The following NUP133 variants were observed in gnomAD, a reference collection of about 807,000 sequenced individuals.
The protein encoded by NUP133 is nuclear pore complex protein Nup133.
In NUP133, 66 loss-of-function variants were observed where a neutral mutation model predicts 146.2. That is an observed-to-expected ratio of 0.45 (90% confidence interval 0.37 to 0.55). The LOEUF is 0.55. Ranked by LOEUF, NUP133 falls within the 20% of genes least tolerant of loss-of-function variation. The pLI, the probability that NUP133 is intolerant of heterozygous loss-of-function variation, is 0.00. For missense variants in NUP133, 1,277 were observed against 1,374.8 expected, an observed-to-expected ratio of 0.93 and a Z score of 1.12; for synonymous variants, 521 against 498.8, an observed-to-expected ratio of 1.04 and a Z score of -0.59.
intron 14 of NUP133, among the ~76,000 whole-genome samples, chr1:229,475,139 C>A (rs1661046341): frequency 6.6e-6 from 1 of 151,790 alleles, no homozygotes; most frequent in Non-Finnish European, 1.5e-5. Flanking sequence ...ACAAACAAAA[C>A]CCCAAGCAGG....
At chr1:229,468,816 T>C (rs1461174021) in intron 15 of NUP133, among the ~76,000 whole-genome samples, 3 of 152,204 alleles carry the variant, frequency 2.0e-5, no homozygotes, top group African/African-American at 7.2e-5. Context: ...ATTTGTTAGA[T>C]CATGAAACTT....
At chr1:229,450,421 GTC>G in intron 23 of NUP133, 102 bp downstream of exon 23, 1 of 572,728 alleles carries the variant, frequency 1.7e-6, no homozygotes, top group East Asian at 3.0e-5. Flanking sequence ...CACAGATACA[GTC>G]TTTTTTGCTT....
intron 21 of NUP133, among the ~76,000 whole-genome samples, chr1:229,456,138 G>A (rs1361159859): frequency 1.3e-5 from 2 of 152,194 alleles, no homozygotes; most frequent in Non-Finnish European, 2.9e-5. Flanking sequence ...GCAAGAACAG[G>A]ACACACGTGA....
intron 3 of NUP133, among the ~76,000 whole-genome samples, chr1:229,501,745 T>C (rs1661805596): frequency 1.3e-5 from 2 of 152,364 alleles, no homozygotes; most frequent in South Asian, 2.1e-4. Flanking sequence ...AGCATTATAT[T>C]CATTGGAAAT....
chr1:229,467,662 G>A (rs747988674), intron 15 of NUP133, among the ~76,000 whole-genome samples: 4 of 152,212 alleles, frequency 2.6e-5, no homozygotes, highest in East Asian at 1.9e-4. Flanking sequence ...GGCCGGGTGC[G>A]GTGGCTCATG....
chr1:229,442,128 T>G (rs753456113), intron 25 of NUP133, 88 bp from the exon 26 acceptor site: 13 of 1,300,784 alleles, frequency 1.0e-5, no homozygotes, highest in East Asian at 2.7e-5. Flanking sequence ...GCACCTGTGC[T>G]TCTATTTAAA....
chr1:229,503,723 CACT>C (rs1468841115), intron 2 of NUP133, among the ~76,000 whole-genome samples: 2 of 152,218 alleles, frequency 1.3e-5, no homozygotes, highest in Non-Finnish European at 2.9e-5. Context: ...TTCTTGAAAG[CACT>C]ACAACTCCAG....
In NUP133 at chr1:229,463,478, T is replaced by G. The variant is rs7525324; in HGVS notation, c.2685+65A>C. On this transcript the variant is annotated intron_variant, in intron 19 of 25. Coordinates refer to ENST00000261396, the MANE Select transcript of NUP133 (RefSeq NM_018230.3). ...AAAAGCCCTGATTACAGATTTGAAA[T>G]GGCAAAGCCATTTCAAGAAAAGGCA... The G allele has an allele frequency of 7.6e-5, 116 of 1,521,902 alleles. 1 individual carries two copies. The highest frequency in any genetic ancestry group is 1.0e-4 in the Non-Finnish European group (113 of 1,133,632). The allele number at this position is 1,521,902 out of a possible 1,614,324, so 94.3% of individuals were successfully genotyped here.
At chr1:229,469,679 C>T (rs375059091) in intron 15 of NUP133, among the ~76,000 whole-genome samples, 5 of 152,340 alleles carry the variant, frequency 3.3e-5, no homozygotes, top group East Asian at 1.9e-4. Flanking sequence ...ATGTAAAGTG[C>T]GCACAGGCAA....
At chr1:229,490,374 TC>T (rs1661476422) in intron 8 of NUP133, among the ~76,000 whole-genome samples, 1 of 143,038 alleles carries the variant, frequency 7.0e-6, no homozygotes, top group Non-Finnish European at 1.5e-5. Context: ...CTGTGGTATA[TC>T]CATACAAAAG....
At chr1:229,492,998 A>G (rs1661562918) in intron 8 of NUP133, among the ~76,000 whole-genome samples, 1 of 152,146 alleles carries the variant, frequency 6.6e-6, no homozygotes, top group Non-Finnish European at 1.5e-5. Context: ...TCTCTCTACA[A>G]TGCCAGGCTG....
At chr1:229,443,889 C>T (rs1399157017) in intron 25 of NUP133, among the ~76,000 whole-genome samples, 2 of 141,950 alleles carry the variant, frequency 1.4e-5, no homozygotes, top group African/African-American at 5.3e-5. Context: ...CCCCTGTGCT[C>T]AACTCTTTTT....
intron 6 of NUP133, 137 bp from the exon 7 acceptor site, chr1:229,496,184 T>C: frequency 1.4e-6 from 1 of 714,188 alleles, no homozygotes; most frequent in Non-Finnish European, 2.1e-6. Flanking sequence ...AAGAAAGTAG[T>C]GATCCTGGGC....
Position 229,499,276 on chromosome 1 carries a change from A to C in NUP133, c.648+408T>G, listed in dbSNP as rs544933491. 578 of 469,340 alleles carry C rather than the reference A, an allele frequency of 1.2e-3. 4 individuals carry two copies. Among genetic ancestry groups the C allele is most frequent in the African/African-American group, 0.011 (550 of 50,112 alleles). 29.1% of individuals were successfully genotyped at this position (469,340 alleles called of 1,614,324 possible). A position where few individuals can be genotyped will look rare whatever the true frequency, so the allele number is the denominator to read the frequency against. On this transcript the variant is annotated intron_variant, in intron 5 of 25. Coordinates refer to ENST00000261396, the MANE Select transcript of NUP133 (RefSeq NM_018230.3). ...ATAGTGTCTGACAGTTTTTAAGCCAATCTTATAAAATGTTTCTAAAAGAAA... is the reference window on the plus strand; with the variant it reads ...ATAGTGTCTGACAGTTTTTAAGCCACTCTTATAAAATGTTTCTAAAAGAAA...
intron 25 of NUP133, among the ~76,000 whole-genome samples, chr1:229,443,887 C>T (rs1395219114): frequency 6.9e-6 from 1 of 145,700 alleles, no homozygotes; most frequent in Non-Finnish European, 1.5e-5. Context: ...CACCCCTGTG[C>T]TCAACTCTTT....
intron 2 of NUP133, among the ~76,000 whole-genome samples, chr1:229,505,783 G>C (rs1661919522): frequency 6.6e-6 from 1 of 152,068 alleles, no homozygotes. Context: ...AGCTACTTGG[G>C]AGGCTGAGGC....
intron 1 of NUP133, among the ~76,000 whole-genome samples, chr1:229,507,005 T>C (rs188810998): frequency 3.3e-4 from 51 of 152,276 alleles, no homozygotes; most frequent in Admixed American, 2.4e-3. Flanking sequence ...CTATGTCTTA[T>C]CACGAGAATT....
At chr1:229,473,994 G>T (rs1661015240) in intron 14 of NUP133, among the ~76,000 whole-genome samples, 1 of 152,158 alleles carries the variant, frequency 6.6e-6, no homozygotes, top group Admixed American at 6.5e-5. Flanking sequence ...GACTTGCTTT[G>T]ACCAATGTCA....
At chr1:229,484,295 G>A (rs537004835) in intron 11 of NUP133, 150 bp from the exon 12 acceptor site, 2 of 490,458 alleles carry the variant, frequency 4.1e-6, no homozygotes, top group Admixed American at 3.6e-5. Flanking sequence ...CAATCTTTTG[G>A]CTTCCTTGGG....
Sources: allele counts gnomAD v4.1 joint callset (sites outside exome capture counted in the v4.1 genomes callset), GRCh38; gene constraint gnomAD v4.1.1; transcripts MANE v1.5; gene names NCBI Gene and HGNC (gene_info 2026-07-23, HGNC 2026-07-21).